RAD54L2: variants seen among roughly 807,000 people sequenced by gnomAD.
RAD54L2 encodes RAD54 like 2.
A neutral mutation model predicts 138.4 loss-of-function variants in RAD54L2; 27 were observed. The ratio of observed to expected loss-of-function variants is 0.20; its 90% CI spans 0.14 to 0.27. The LOEUF is 0.27. Among genes scored for constraint, RAD54L2 ranks in the 10% least tolerant of loss-of-function variants. RAD54L2 has a pLI of 1.00. For synonymous variants in RAD54L2, 644 were observed against 723.2 expected (o/e 0.89, Z 1.76); for missense variants, 1,396 against 1,890.2 (o/e 0.74, Z 4.85).
chr3:51,657,800 C>A, intron 21 of RAD54L2, 131 bp downstream of exon 21: 1 of 630,998 alleles, frequency 1.6e-6, no homozygotes, highest in South Asian at 1.8e-5. Context: ...CATTCCGGAA[C>A]TGAATGAGAA....
chr3:51,666,933 G>A lies in RAD54L2; in HGVS notation c.*3513G>A, dbSNP rs941944115. 2.6e-5 allele frequency: 4 copies of A among 152,188 alleles called. No homozygotes were observed. Among genetic ancestry groups the A allele is most frequent in the Non-Finnish European group, 4.4e-5 (3 of 68,058 alleles). 9.4% of individuals were successfully genotyped at this position (152,188 alleles called of 1,614,324 possible). A position where few individuals can be genotyped will look rare whatever the true frequency, so the allele number is the denominator to read the frequency against. ...TATGAAATTTCTCAATTCAGGAGCA[G>A]GAAGCAAAGTGCTGGGGTACAGTTT... On this transcript the variant is annotated 3_prime_UTR_variant, in exon 23 of 23. Transcript: ENST00000684192.
At chr3:51,581,598 G>A (rs1699609509) in intron 2 of RAD54L2, among the ~76,000 whole-genome samples, 1 of 152,102 alleles carries the variant, frequency 6.6e-6, no homozygotes, top group African/African-American at 2.4e-5. Context: ...AGCTTGTATC[G>A]GTCTGGGCTC....
chr3:51,564,344 A>G (rs1230583565), intron 2 of RAD54L2, among the ~76,000 whole-genome samples: 1 of 152,354 alleles, frequency 6.6e-6, no homozygotes, highest in East Asian at 1.9e-4. Context: ...GCAGTGAAGC[A>G]ATATGTCTCT....
chr3:51,551,505 G>A (rs1254998016), intron 2 of RAD54L2, among the ~76,000 whole-genome samples: 1 of 151,354 alleles, frequency 6.6e-6, no homozygotes. Context: ...GCGCGATCTC[G>A]GCTCACTGCA....
chr3:51,663,444 C>G lies in RAD54L2; in HGVS notation c.*24C>G, dbSNP rs2106863582. 6.3e-7 allele frequency: 1 copy of G among 1,597,812 alleles called. No homozygotes were observed. Among genetic ancestry groups the G allele is most frequent in the East Asian group, 2.2e-5 (1 of 44,598 alleles). On this transcript the variant is annotated 3_prime_UTR_variant, in exon 23 of 23. Transcript: ENST00000684192. ...AGCTAGGGAGCCCCTCCCCACCTCA[C>G]TTGGGGCCCCCAGCAGGTTGCCCAC...
Position 51,657,916 on chromosome 3 carries a change from C to CTTT in RAD54L2, c.3316+272_3316+274dup, listed in dbSNP as rs71084155. ...TCCCTACATTTCTCTATCTTGCTGT[C>CTTT]TTTTTTTTTTTTTTTTTTTTTTTTT... On this transcript the variant is annotated intron_variant, in intron 21 of 22. Transcript: ENST00000684192. 1.7e-3 allele frequency among the ~76,000 whole-genome samples: 150 copies of CTTT among 87,444 alleles called. 23 individuals carry two copies. The highest frequency in any genetic ancestry group is 5.6e-3 in the African/African-American group (122 of 21,934). The allele number at this position is 87,444 out of a possible 152,430, so 57.4% of individuals were successfully genotyped here. A position where few individuals can be genotyped will look rare whatever the true frequency, so the allele number is the denominator to read the frequency against.
Position 51,663,115 on chromosome 3 carries a change from C to T in RAD54L2, c.4099C>T (p.Pro1367Ser). 2 of 1,613,958 alleles carry T rather than the reference C, an allele frequency of 1.2e-6. No individual in the cohort carries two copies. The highest frequency in any genetic ancestry group is 1.7e-6 in the Non-Finnish European group (2 of 1,179,858). ...STATSVTASN[P>S]SFMLNPSVPG... ...GGCTACCTCAGTCACTGCCAGCAACCCCTCCTTCATGCTCAACCCTTCTGT... is the reference window on the plus strand; with the variant it reads ...GGCTACCTCAGTCACTGCCAGCAACTCCTCCTTCATGCTCAACCCTTCTGT... Residue 1367 changes from proline to serine, a missense_variant, in exon 23 of 23, where the codon CCC becomes TCC. Physicochemically the swap from Pro to Ser is moderately conservative, Grantham distance 74 (BLOSUM62 -1). Around this residue, in one of 7 missense-constraint regions of RAD54L2, gnomAD observed 634 missense variants for 711.2 expected, o/e 0.89. Coordinates refer to ENST00000684192, the MANE Select transcript of RAD54L2 (RefSeq NM_015106.4).
At chr3:51,598,206 A>G (rs999497084) in intron 3 of RAD54L2, among the ~76,000 whole-genome samples, 2 of 146,746 alleles carry the variant, frequency 1.4e-5, no homozygotes, top group African/African-American at 2.5e-5. Context: ...TATTTGGCTT[A>G]TAACTCCCAT....
In RAD54L2 at chr3:51,662,968, C is replaced by T; in HGVS notation, c.3952C>T (p.Leu1318=). Residue 1318 remains leucine (L), a synonymous_variant, in exon 23 of 23, where the codon CTG becomes TTG. Coordinates refer to ENST00000684192, the MANE Select transcript of RAD54L2 (RefSeq NM_015106.4). This position sits in a 1 kb window ranked among gnomAD's most constrained non-coding sequence, Gnocchi z 4.6. ...CACCTCCCAGGCTGGGGAGAACTCC[C>T]TGTTTATGGGCAGTACCCCCTCCTA... ...PFTSQAGENS[L]FMGSTPSYYQ... is the part of the protein sequence containing the mutation. 1.2e-6 allele frequency: 2 copies of T among 1,614,010 alleles called. No individual in the cohort carries two copies. The highest frequency in any genetic ancestry group is 1.3e-5 in the African/African-American group (1 of 75,036).
At chr3:51,549,908 C>G (rs1698795910) in intron 2 of RAD54L2, among the ~76,000 whole-genome samples, 1 of 152,108 alleles carries the variant, frequency 6.6e-6, no homozygotes, top group African/African-American at 2.4e-5. Context: ...CTGTGTTTCA[C>G]CTACCTCCCC....
intron 19 of RAD54L2, among the ~76,000 whole-genome samples, chr3:51,655,422 AAG>A (rs569218524): frequency 2.6e-5 from 4 of 152,054 alleles, no homozygotes; most frequent in Non-Finnish European, 5.9e-5. Context: ...AGTAATACAG[AAG>A]AGAGAGAGAG....
intron 3 of RAD54L2, among the ~76,000 whole-genome samples, chr3:51,620,207 C>A (rs1700538015): frequency 6.6e-6 from 1 of 151,630 alleles, no homozygotes; most frequent in South Asian, 2.1e-4. Context: ...AAGCGGTTCT[C>A]CCACCTCAGC....
rs1375845247 is a variant in RAD54L2 at position 51,646,344 on chromosome 3, T to C, written c.2889T>C (p.Ala963=). 3 of 1,610,394 alleles carry C rather than the reference T, an allele frequency of 1.9e-6. No individual in the cohort carries two copies. Among genetic ancestry groups the C allele is most frequent in the Non-Finnish European group, 2.5e-6 (3 of 1,178,480 alleles). ...GAAAGGATCACAAGCTAACCAAGGC[T>C]GAGAAAAAAGCAGCAAAGAAAAGCT... ...LNRKDHKLTK[A]EKKAAKKSYE... The change falls in exon 19 of 23, where the codon GCT becomes GCC. Residue 963 remains alanine (A), a synonymous_variant. Transcript: ENST00000684192.
chr3:51,610,856 G>C (rs1266627054), intron 3 of RAD54L2, among the ~76,000 whole-genome samples: 5 of 152,118 alleles, frequency 3.3e-5, no homozygotes, highest in Non-Finnish European at 7.3e-5. Context: ...CCTTATACCA[G>C]CTCTAAATCC....
At chr3:51,587,114 T>C (rs991012722) in intron 2 of RAD54L2, among the ~76,000 whole-genome samples, 4 of 151,928 alleles carry the variant, frequency 2.6e-5, no homozygotes, top group Admixed American at 6.6e-5. Flanking sequence ...TTTTTTTTTT[T>C]CTCGAGATGG....
intron 2 of RAD54L2, among the ~76,000 whole-genome samples, chr3:51,557,226 G>A (rs1489800110): frequency 8.2e-6 from 1 of 121,898 alleles, no homozygotes; most frequent in African/African-American, 3.2e-5. Flanking sequence ...GTCTCACTCT[G>A]TTGCCCAGGC....
chr3:51,624,819 GAGT>G (rs1286562537), intron 3 of RAD54L2, among the ~76,000 whole-genome samples: 1 of 152,164 alleles, frequency 6.6e-6, no homozygotes, highest in Non-Finnish European at 1.5e-5. Flanking sequence ...AAGGAAACTG[GAGT>G]AGTAATATGA....
At chr3:51,572,452 TAAAAA>T (rs529261675) in intron 2 of RAD54L2, among the ~76,000 whole-genome samples, 1 of 109,518 alleles carries the variant, frequency 9.1e-6, no homozygotes, top group Non-Finnish European at 1.9e-5. Context: ...GACTCCGTCT[TAAAAA>T]AAAAAAAAAA....
intron 14 of RAD54L2, among the ~76,000 whole-genome samples, 190 bp from the exon 15 acceptor site, chr3:51,641,559 C>T (rs1017545627): frequency 1.3e-5 from 2 of 152,168 alleles, no homozygotes; most frequent in Admixed American, 1.3e-4. Context: ...TTAGGTGATC[C>T]ACCCGCCTCG....
Sources: allele counts gnomAD v4.1 joint callset (sites outside exome capture counted in the v4.1 genomes callset), GRCh38; gene constraint gnomAD v4.1.1; regional missense constraint gnomAD v4.1.1; non-coding constraint Gnocchi (gnomAD v3.1); transcripts MANE v1.5; gene names NCBI Gene and HGNC (gene_info 2026-07-23, HGNC 2026-07-21).